Variants in SYN3 observed in about 807,000 individuals in gnomAD.
SYN3 encodes synapsin III.
Under a neutral mutation model 65.8 loss-of-function variants are expected in SYN3, and 35 were observed. The ratio of observed to expected loss-of-function variants is 0.53; its 90% CI spans 0.41 to 0.70. The LOEUF is 0.70. Among genes scored for constraint, SYN3 ranks in the 30% least tolerant of loss-of-function variants. The pLI, the probability that SYN3 is intolerant of heterozygous loss-of-function variation, is 0.00. For missense variants in SYN3, 680 were observed against 749.0 expected, an observed-to-expected ratio of 0.91 and a Z score of 1.08; for synonymous variants, 270 against 292.9, an observed-to-expected ratio of 0.92 and a Z score of 0.80.
At chr22:33,034,635 T>C (rs1244507940) in intron 1 of SYN3, among the ~76,000 whole-genome samples, 1 of 152,100 alleles carries the variant, frequency 6.6e-6, no homozygotes. Context: ...AGAACAACCA[T>C]CATGTGGCTG....
chr22:32,654,820 C>T (rs1308552505), intron 6 of SYN3, among the ~76,000 whole-genome samples: 1 of 152,194 alleles, frequency 6.6e-6, no homozygotes, highest in Non-Finnish European at 1.5e-5. Context: ...GGCCAGGCTC[C>T]ACCCCTTGAT....
intron 6 of SYN3, among the ~76,000 whole-genome samples, chr22:32,743,818 G>T (rs775921417): frequency 1.3e-5 from 2 of 152,030 alleles, no homozygotes; most frequent in Non-Finnish European, 2.9e-5. Flanking sequence ...GGTCTTCCTG[G>T]GGTCCAAGCC....
intron 4 of SYN3, among the ~76,000 whole-genome samples, chr22:32,909,807 G>A (rs1434607615): frequency 1.3e-5 from 2 of 152,264 alleles, no homozygotes; most frequent in East Asian, 3.9e-4. Flanking sequence ...AGAGCCAGTA[G>A]CATGAGCCCA....
intron 2 of SYN3, among the ~76,000 whole-genome samples, chr22:32,999,483 G>A (rs569223138): frequency 2.0e-5 from 3 of 152,194 alleles, no homozygotes; most frequent in South Asian, 2.1e-4. Context: ...TCAGGAGTTC[G>A]AGATCAACCT....
intron 6 of SYN3, among the ~76,000 whole-genome samples, chr22:32,683,922 C>A (rs2060556418): frequency 6.6e-6 from 1 of 152,192 alleles, no homozygotes; most frequent in Non-Finnish European, 1.5e-5. Flanking sequence ...TTCTTAGGTT[C>A]TCTTGCTACT....
At chr22:32,720,252 G>T (rs376278792) in intron 6 of SYN3, among the ~76,000 whole-genome samples, 1 of 152,174 alleles carries the variant, frequency 6.6e-6, no homozygotes, top group African/African-American at 2.4e-5. Context: ...ACCTGGGTTT[G>T]TCTTCTGGTT....
chr22:32,940,545 A>C (rs1195457821), intron 3 of SYN3, among the ~76,000 whole-genome samples: 1 of 152,144 alleles, frequency 6.6e-6, no homozygotes, highest in Non-Finnish European at 1.5e-5. Context: ...AATATATACT[A>C]TGTGAGGTAG....
Position 32,511,172 on chromosome 22 carries a change from C to G in SYN3, c.*2520G>C, listed in dbSNP as rs1262863824. On this transcript the variant is annotated 3_prime_UTR_variant, in exon 14 of 14. Coordinates refer to ENST00000358763, the MANE Select transcript of SYN3 (RefSeq NM_003490.4). ...TCCCGTCTCTTTTCCCTATGCCCCA[C>G]TTGGCTTTCTTCAGAAATTCCAAGG... Among the ~76,000 whole-genome samples the G allele has an allele frequency of 1.3e-5, 2 of 152,190 alleles. No homozygotes were observed. Among genetic ancestry groups the G allele is most frequent in the African/African-American group, 4.8e-5 (2 of 41,448 alleles).
chr22:32,646,980 G>A (rs2059992594), intron 6 of SYN3, among the ~76,000 whole-genome samples: 1 of 152,182 alleles, frequency 6.6e-6, no homozygotes. Context: ...GAAGCCCCCT[G>A]CCTTCGCTGG....
At chr22:32,556,834 T>TTTTTTTTTTTTTTG (rs1569035464) in intron 7 of SYN3, among the ~76,000 whole-genome samples, 3 of 129,290 alleles carry the variant, frequency 2.3e-5, no homozygotes, top group Non-Finnish European at 3.3e-5. Flanking sequence ...TTTTTTTTTT[T>TTTTTTTTTTTTTTG]TGTGTGTAGA....
chr22:32,912,657 G>C (rs1283414661), intron 4 of SYN3, among the ~76,000 whole-genome samples: 1 of 152,050 alleles, frequency 6.6e-6, no homozygotes, highest in Non-Finnish European at 1.5e-5. Context: ...GGAGATTGAG[G>C]CTGCAGTGAG....
At chr22:32,673,944 T>G (rs910151649) in intron 6 of SYN3, among the ~76,000 whole-genome samples, 1 of 152,052 alleles carries the variant, frequency 6.6e-6, no homozygotes, top group Non-Finnish European at 1.5e-5. Context: ...AGTGGCACGA[T>G]TGCATATGAG....
At chr22:32,631,454 A>G (rs1433240014) in intron 6 of SYN3, among the ~76,000 whole-genome samples, 1 of 152,186 alleles carries the variant, frequency 6.6e-6, no homozygotes, top group African/African-American at 2.4e-5. Flanking sequence ...TTAAGGCTGA[A>G]GTCTGCAAAT....
intron 6 of SYN3, among the ~76,000 whole-genome samples, chr22:32,604,832 A>C (rs535704984): frequency 2.7e-4 from 41 of 151,158 alleles, no homozygotes; most frequent in Middle Eastern, 3.4e-3. Context: ...GGTGAAACCC[A>C]CTCTCTACTA....
chr22:32,936,314 T>C (rs1445946197), intron 3 of SYN3, among the ~76,000 whole-genome samples: 1 of 152,198 alleles, frequency 6.6e-6, no homozygotes, highest in Non-Finnish European at 1.5e-5. Flanking sequence ...ATTATCCCTA[T>C]GTTTATCCTA....
At chr22:32,737,398 G>A (rs375860342) in intron 6 of SYN3, among the ~76,000 whole-genome samples, 1 of 151,934 alleles carries the variant, frequency 6.6e-6, no homozygotes, top group East Asian at 1.9e-4. Flanking sequence ...CATGTGCCAT[G>A]TTGGTGTGCT....
intron 6 of SYN3, among the ~76,000 whole-genome samples, chr22:32,808,925 G>A (rs910702266): frequency 6.6e-6 from 1 of 152,176 alleles, no homozygotes. Flanking sequence ...CACTTTAGAG[G>A]GTAAGCACCC....
chr22:32,770,948 C>T lies in SYN3; in HGVS notation c.711+93967G>A, dbSNP rs544775916. Among the ~76,000 whole-genome samples, 34 of 151,514 alleles carry T rather than the reference C, an allele frequency of 2.2e-4. No homozygotes were observed. The East Asian group carries it at 4.4e-3, about 20-fold the overall frequency. The stretch of plus-strand genomic sequence containing the variant: ...GATACCTGTGCAGAACGTGCAGGTT[C>T]GTTACAGAGGTATACATGTGCCATG... On this transcript the variant is annotated intron_variant, in intron 6 of 13. Coordinates refer to ENST00000358763, the MANE Select transcript of SYN3 (RefSeq NM_003490.4).
At chr22:32,601,274 T>C (rs1478909022) in intron 6 of SYN3, among the ~76,000 whole-genome samples, 1 of 150,302 alleles carries the variant, frequency 6.7e-6, no homozygotes, top group African/African-American at 2.5e-5. Context: ...TTGCCTTTTT[T>C]TTTCTTTCTT....
Sources: gnomAD v4.1 joint callset for allele counts (sites outside exome capture counted in the v4.1 genomes callset) on GRCh38, gnomAD v4.1.1 for gene constraint, MANE v1.5 for transcripts, NCBI Gene and HGNC (gene_info 2026-07-23, HGNC 2026-07-21) for gene names.